The following RBFOX1 variants were observed in gnomAD, a reference collection of about 807,000 sequenced individuals.
RBFOX1 encodes the protein RNA binding protein fox-1 homolog 1.
RBFOX1 carries 8 observed loss-of-function variants against 57.7 expected under a neutral mutation model. The ratio of observed to expected loss-of-function variants is 0.14; its 90% CI spans 0.08 to 0.25. The LOEUF is 0.25. RBFOX1 is among the 10% of genes least tolerant of loss of function. The pLI is 1.00. For synonymous variants in RBFOX1, 326 were observed against 222.4 expected (o/e 1.47, Z -4.15); for missense variants, 611 against 548.5 (o/e 1.11, Z -1.14).
intron 3 of RBFOX1, among the ~76,000 whole-genome samples, chr16:5,685,273 G>T (rs915761113): frequency 1.6e-4 from 25 of 152,074 alleles, no homozygotes; most frequent in African/African-American, 6.0e-4. Flanking sequence ...CTTTGGTTCT[G>T]TTATGTTTTC....
At chr16:6,610,265 T>C (rs1410073019) in intron 2 of RBFOX1, among the ~76,000 whole-genome samples, 2 of 152,156 alleles carry the variant, frequency 1.3e-5, no homozygotes, top group Non-Finnish European at 2.9e-5. Context: ...AATAATAAAG[T>C]ATGGCATTAT....
intron 1 of RBFOX1, among the ~76,000 whole-genome samples, chr16:5,329,448 G>C (rs1444053439): frequency 6.6e-6 from 1 of 152,074 alleles, no homozygotes; most frequent in Non-Finnish European, 1.5e-5. Flanking sequence ...CAGCACCAAA[G>C]GGGAAATCTG....
At chr16:5,834,064 A>C (rs1398044636) in intron 3 of RBFOX1, among the ~76,000 whole-genome samples, 3 of 152,140 alleles carry the variant, frequency 2.0e-5, no homozygotes, top group Admixed American at 1.3e-4. Context: ...ACCACTGCTC[A>C]CTTTTAGGTA....
chr16:5,950,909 C>T (rs933679750), intron 4 of RBFOX1, among the ~76,000 whole-genome samples: 2 of 152,092 alleles, frequency 1.3e-5, no homozygotes, highest in African/African-American at 4.8e-5. Context: ...GCATCCAACC[C>T]AGGCCAGAGA....
chr16:6,782,975 A>G (rs1278421146), intron 3 of RBFOX1, among the ~76,000 whole-genome samples: 2 of 152,010 alleles, frequency 1.3e-5, no homozygotes, highest in Non-Finnish European at 2.9e-5. Context: ...CTTCTTTATC[A>G]TTATATAATG....
intron 1 of RBFOX1, among the ~76,000 whole-genome samples, chr16:6,051,653 T>C (rs568558305): frequency 6.6e-6 from 1 of 152,170 alleles, no homozygotes; most frequent in South Asian, 2.1e-4. Flanking sequence ...AACCTCTGCC[T>C]CTCAGGTTCA....
intron 3 of RBFOX1, among the ~76,000 whole-genome samples, chr16:6,816,769 G>A (rs550907318): frequency 4.0e-5 from 6 of 151,186 alleles, no homozygotes; most frequent in East Asian, 1.9e-4. Context: ...AAAAGAAACA[G>A]GGTGTTGTTC....
At chr16:6,396,987 A>G (rs546327793) in intron 2 of RBFOX1, among the ~76,000 whole-genome samples, 1 of 152,360 alleles carries the variant, frequency 6.6e-6, no homozygotes, top group African/African-American at 2.4e-5. Flanking sequence ...TGAATTTAAT[A>G]TAGATTAATG....
intron 2 of RBFOX1, among the ~76,000 whole-genome samples, chr16:5,510,979 T>C (rs992958228): frequency 6.6e-6 from 1 of 152,202 alleles, no homozygotes; most frequent in Non-Finnish European, 1.5e-5. Flanking sequence ...TCCACATGAC[T>C]ATTATTTTTC....
intron 3 of RBFOX1, among the ~76,000 whole-genome samples, chr16:6,774,721 C>T (rs544257527): frequency 6.6e-6 from 1 of 151,462 alleles, no homozygotes; most frequent in Admixed American, 6.6e-5. Flanking sequence ...TTTTATAATA[C>T]TAATTATAAC....
intron 3 of RBFOX1, among the ~76,000 whole-genome samples, chr16:7,041,144 C>A (rs1230159004): frequency 1.5e-5 from 2 of 133,172 alleles, no homozygotes; most frequent in African/African-American, 5.7e-5. Context: ...CCATGTTGGT[C>A]AGGCTGGTGT....
chr16:5,797,525 C>G (rs1378300126), intron 3 of RBFOX1, among the ~76,000 whole-genome samples: 3 of 152,202 alleles, frequency 2.0e-5, no homozygotes, highest in Non-Finnish European at 4.4e-5. Context: ...CTCTGAGTAG[C>G]TGGGGACCAA....
Position 5,588,433 on chromosome 16 carries a change from G to T in RBFOX1, c.259-10469G>T, listed in dbSNP as rs75360441. On this transcript the variant is annotated intron_variant, in intron 2 of 2. Transcript: ENST00000585867. ...GTCCCCTTCCTGGTTCTGCCACTTA[G>T]CTGTGGGGTCATGTATTGAAGCACA... Among the ~76,000 whole-genome samples the T allele has an allele frequency of 6.5e-3, 996 of 152,304 alleles. 10 individuals are homozygous for T. Among genetic ancestry groups the T allele is most frequent in the African/African-American group, 0.022 (930 of 41,560 alleles).
chr16:6,340,517 T>C (rs999421052), intron 2 of RBFOX1, among the ~76,000 whole-genome samples: 12 of 152,330 alleles, frequency 7.9e-5, no homozygotes, highest in Middle Eastern at 3.4e-3. Flanking sequence ...CTTGATGATA[T>C]GCTAAACAAG....
At chr16:6,840,834 C>T (rs374291816) in intron 3 of RBFOX1, among the ~76,000 whole-genome samples, 3 of 147,564 alleles carry the variant, frequency 2.0e-5, no homozygotes, top group East Asian at 2.0e-4. Flanking sequence ...TTGTGGTGAG[C>T]TGAGATCGTC....
intron 3 of RBFOX1, among the ~76,000 whole-genome samples, chr16:7,041,313 G>C (rs59157820): frequency 0.094 from 14,318 of 151,986 alleles, 1,098 homozygotes; most frequent in East Asian, 0.32. Context: ...ACCATAATGG[G>C]AGAACCGAGT....
intron 3 of RBFOX1, among the ~76,000 whole-genome samples, chr16:7,034,259 G>C (rs1015827268): frequency 2.0e-5 from 3 of 152,206 alleles, no homozygotes; most frequent in African/African-American, 7.2e-5. Context: ...CTGTTCAAGG[G>C]GATAATGATA....
intron 4 of RBFOX1, among the ~76,000 whole-genome samples, chr16:7,074,522 A>C (rs1339988649): frequency 6.6e-6 from 1 of 152,212 alleles, no homozygotes; most frequent in Non-Finnish European, 1.5e-5. Context: ...GAATAGAACT[A>C]AGGAACAGGA....
chr16:7,446,442 C>T (rs1598605179), intron 4 of RBFOX1, among the ~76,000 whole-genome samples: 1 of 152,138 alleles, frequency 6.6e-6, no homozygotes, highest in South Asian at 2.1e-4. Flanking sequence ...GCAAGTTCTC[C>T]CTCACTGTTG....
Sources: gnomAD v4.1 joint callset for allele counts (sites outside exome capture counted in the v4.1 genomes callset) on GRCh38, gnomAD v4.1.1 for gene constraint, MANE v1.5 for transcripts, NCBI Gene and HGNC (gene_info 2026-07-23, HGNC 2026-07-21) for gene names.